The following MDGA2 variants were observed in gnomAD, a reference collection of about 807,000 sequenced individuals.
The protein encoded by MDGA2 is MAM domain containing glycosylphosphatidylinositol anchor 2, also known as MAM domain-containing glycosylphosphatidylinositol anchor protein 2.
A neutral mutation model predicts 117.8 loss-of-function variants in MDGA2; 40 were observed. The ratio of observed to expected loss-of-function variants is 0.34; its 90% CI spans 0.26 to 0.44. MDGA2 has a LOEUF of 0.44. Among genes scored for constraint, MDGA2 ranks in the 20% least tolerant of loss-of-function variants. The pLI is 1.00. For missense variants in MDGA2, 1,123 were observed against 1,250.6 expected, an observed-to-expected ratio of 0.90 and a Z score of 1.54; for synonymous variants, 452 against 439.0, an observed-to-expected ratio of 1.03 and a Z score of -0.37.
chr14:46,897,337 G>T (rs1027960322), intron 10 of MDGA2, among the ~76,000 whole-genome samples: 3 of 151,964 alleles, frequency 2.0e-5, no homozygotes, highest in Non-Finnish European at 4.4e-5. Flanking sequence ...AATTATCAAA[G>T]ATTTCTTAAC....
intron 1 of MDGA2, among the ~76,000 whole-genome samples, chr14:47,476,200 G>T (rs540590764): frequency 1.3e-3 from 204 of 152,256 alleles, no homozygotes; most frequent in Non-Finnish European, 2.3e-3. Context: ...GTGAAATCTA[G>T]TGTTGGACAT....
intron 1 of MDGA2, among the ~76,000 whole-genome samples, chr14:47,318,892 T>G (rs1889893887): frequency 6.6e-6 from 1 of 152,146 alleles, no homozygotes; most frequent in Non-Finnish European, 1.5e-5. Context: ...TTTTACAAAT[T>G]ACTTGCAGTT....
intron 1 of MDGA2, among the ~76,000 whole-genome samples, chr14:47,374,464 G>A (rs1420607482): frequency 2.0e-5 from 3 of 151,880 alleles, no homozygotes. Flanking sequence ...ATCTAGGCAG[G>A]GCTCCTGATA....
intron 1 of MDGA2, among the ~76,000 whole-genome samples, chr14:47,547,901 T>C (rs966950835): frequency 1.3e-5 from 2 of 152,212 alleles, no homozygotes; most frequent in African/African-American, 4.8e-5. Context: ...CTTAACCATC[T>C]AGTTAAAATT....
At chr14:47,464,717 A>AAT (rs1893563839) in intron 1 of MDGA2, among the ~76,000 whole-genome samples, 5 of 152,186 alleles carry the variant, frequency 3.3e-5, no homozygotes, top group African/African-American at 1.2e-4. Context: ...GCTCATTGAT[A>AAT]GGAATAATCA....
At chr14:47,398,013 G>T (rs143291576) in intron 1 of MDGA2, among the ~76,000 whole-genome samples, 1 of 151,986 alleles carries the variant, frequency 6.6e-6, no homozygotes. Flanking sequence ...TCACAACATC[G>T]CTTTGAGAAT....
chr14:47,056,272 T>TACA (rs1889672080), intron 7 of MDGA2, among the ~76,000 whole-genome samples: 1 of 152,100 alleles, frequency 6.6e-6, no homozygotes, highest in Non-Finnish European at 1.5e-5. Flanking sequence ...TGTACTGTAG[T>TACA]CCTGTGTTAT....
chr14:46,932,329 G>A (rs1285923218), intron 9 of MDGA2, among the ~76,000 whole-genome samples: 1 of 151,726 alleles, frequency 6.6e-6, no homozygotes, highest in East Asian at 1.9e-4. Context: ...CTTCAATAAT[G>A]TAAGTTCACA....
chr14:47,615,966 G>A (rs1464097893), intron 1 of MDGA2, among the ~76,000 whole-genome samples: 1 of 152,092 alleles, frequency 6.6e-6, no homozygotes, highest in African/African-American at 2.4e-5. Flanking sequence ...AATACTAAAG[G>A]GGGAGGCCTT....
At position 47,604,487 on chromosome 14, in the gene MDGA2, A is replaced by ACC. The variant is rs60602833; in HGVS notation, c.280+70028_280+70029dup. ...GTGTTCCACCATTCACAGCTTCCCC[A>ACC]CCCCCCCCCACCCTCACCCCCCTAT... On this transcript the variant is annotated intron_variant, in intron 1 of 16. Transcript: ENST00000399232. Among the ~76,000 whole-genome samples the ACC allele has an allele frequency of 4.4e-3, 405 of 92,042 alleles. 1 individual carries two copies. Among genetic ancestry groups the ACC allele is most frequent in the East Asian group, 0.011 (26 of 2,310 alleles). The allele number at this position is 92,042 out of a possible 152,430, so 60.4% of individuals were successfully genotyped here.
At chr14:47,435,262 C>A (rs1434658223) in intron 1 of MDGA2, among the ~76,000 whole-genome samples, 1 of 152,142 alleles carries the variant, frequency 6.6e-6, no homozygotes, top group East Asian at 1.9e-4. Flanking sequence ...CTGCTGCACC[C>A]TCTTAAATAT....
intron 1 of MDGA2, among the ~76,000 whole-genome samples, chr14:47,473,895 G>A (rs1199518119): frequency 6.6e-6 from 1 of 152,102 alleles, no homozygotes; most frequent in Non-Finnish European, 1.5e-5. Context: ...GTAAAAGTTG[G>A]AAGCCTTCCC....
chr14:47,540,942 G>T (rs1435310741), intron 1 of MDGA2, among the ~76,000 whole-genome samples: 2 of 151,784 alleles, frequency 1.3e-5, no homozygotes, highest in African/African-American at 4.8e-5. Flanking sequence ...ATTTTTTTCT[G>T]GTTTCTTCAC....
At chr14:47,266,525 A>AATCTT (rs1390164114) in intron 2 of MDGA2, among the ~76,000 whole-genome samples, 3 of 152,300 alleles carry the variant, frequency 2.0e-5, no homozygotes, top group Non-Finnish European at 4.4e-5. Context: ...TAGCTAGAAT[A>AATCTT]ATCTTCCTAA....
chr14:47,107,193 T>A (rs1267610260), intron 5 of MDGA2, among the ~76,000 whole-genome samples: 1 of 151,854 alleles, frequency 6.6e-6, no homozygotes, highest in Non-Finnish European at 1.5e-5. Context: ...CGCAGCACAC[T>A]TTAAAAAGAT....
chr14:47,312,183 C>T (rs1421482875), intron 1 of MDGA2, among the ~76,000 whole-genome samples: 1 of 152,106 alleles, frequency 6.6e-6, no homozygotes, highest in African/African-American at 2.4e-5. Context: ...TCAAACAATT[C>T]AATTTTCATT....
At chr14:47,293,423 C>T (rs1888954642) in intron 2 of MDGA2, among the ~76,000 whole-genome samples, 2 of 152,092 alleles carry the variant, frequency 1.3e-5, no homozygotes, top group Non-Finnish European at 2.9e-5. Flanking sequence ...CACTCTAGAC[C>T]CACATTACCT....
chr14:46,918,542 C>T (rs1321499711), intron 10 of MDGA2, among the ~76,000 whole-genome samples: 1 of 152,074 alleles, frequency 6.6e-6, no homozygotes, highest in Non-Finnish European at 1.5e-5. Context: ...ATATAGATTT[C>T]GGTTTTGCTC....
At chr14:47,672,460 C>T (rs1284753197) in intron 1 of MDGA2, among the ~76,000 whole-genome samples, 1 of 152,144 alleles carries the variant, frequency 6.6e-6, no homozygotes, top group African/African-American at 2.4e-5. Flanking sequence ...TTTCCACTAC[C>T]CAATCTGAGA....
Sources: gnomAD v4.1 joint callset for allele counts (sites outside exome capture counted in the v4.1 genomes callset) on GRCh38, gnomAD v4.1.1 for gene constraint, MANE v1.5 for transcripts, NCBI Gene and HGNC (gene_info 2026-07-23, HGNC 2026-07-21) for gene names.